MSRB3: variants seen among roughly 807,000 people sequenced by gnomAD.
The protein encoded by MSRB3 is methionine sulfoxide reductase B3.
Under a neutral mutation model 21.0 loss-of-function variants are expected in MSRB3, and 13 were observed. The observed-to-expected ratio is 0.62, with a 90% CI of 0.40 to 0.98. The LOEUF (loss-of-function observed/expected upper bound fraction) is 0.98, where lower values mean the gene tolerates loss of function less well. MSRB3 is among the 50% of genes least tolerant of loss of function. The pLI is 0.00. For synonymous variants in MSRB3, 87 were observed against 88.6 expected, an observed-to-expected ratio of 0.98 and a Z score of 0.10; for missense variants, 199 against 230.3, an observed-to-expected ratio of 0.86 and a Z score of 0.88.
At chr12:65,352,818 T>G (rs541018308) in intron 4 of MSRB3, among the ~76,000 whole-genome samples, 229 of 150,452 alleles carry the variant, frequency 1.5e-3, no homozygotes, top group African/African-American at 5.1e-3. Context: ...TAAAAGAGGA[T>G]ACAAACAAAT....
chr12:65,422,448 G>T (rs1376517612), intron 5 of MSRB3, among the ~76,000 whole-genome samples: 1 of 111,028 alleles, frequency 9.0e-6, no homozygotes, highest in Non-Finnish European at 1.9e-5. Flanking sequence ...ATTTATTTAT[G>T]GGGTATATGG....
At chr12:65,301,710 C>G (rs930182779) in intron 1 of MSRB3, among the ~76,000 whole-genome samples, 29 of 152,124 alleles carry the variant, frequency 1.9e-4, no homozygotes, top group African/African-American at 6.0e-4. Context: ...TTCAGACTAC[C>G]ATTTGTTGAT....
intron 2 of MSRB3, among the ~76,000 whole-genome samples, chr12:65,321,725 A>G (rs1193573486): frequency 6.6e-6 from 1 of 152,198 alleles, no homozygotes; most frequent in Non-Finnish European, 1.5e-5. Flanking sequence ...TGACTTTTCC[A>G]AATGGCCAAT....
At chr12:65,339,096 T>C (rs1592539023) in intron 4 of MSRB3, among the ~76,000 whole-genome samples, 1 of 152,054 alleles carries the variant, frequency 6.6e-6, no homozygotes, top group Non-Finnish European at 1.5e-5. Flanking sequence ...AAAATAAAAA[T>C]AAAAAGATTC....
chr12:65,447,393 A>G (rs928824188), intron 5 of MSRB3, among the ~76,000 whole-genome samples: 4 of 152,224 alleles, frequency 2.6e-5, no homozygotes, highest in Admixed American at 2.6e-4. Context: ...AGGGAATCAT[A>G]GAAAAACTAA....
At chr12:65,316,782 A>G (rs967538871) in intron 2 of MSRB3, among the ~76,000 whole-genome samples, 1 of 152,142 alleles carries the variant, frequency 6.6e-6, no homozygotes, top group East Asian at 1.9e-4. Flanking sequence ...TTGTTTTACC[A>G]TTGAGGCAGG....
At chr12:65,348,863 G>A in intron 4 of MSRB3, among the ~76,000 whole-genome samples, 1 of 152,160 alleles carries the variant, frequency 6.6e-6, no homozygotes, top group Admixed American at 6.6e-5. Context: ...TCATTCAGGA[G>A]CAGGTTGTTC....
At chr12:65,373,494 C>T (rs892982339) in intron 5 of MSRB3, among the ~76,000 whole-genome samples, 14 of 151,962 alleles carry the variant, frequency 9.2e-5, no homozygotes, top group African/African-American at 3.4e-4. Context: ...GATTCATGGT[C>T]CATAAACATT....
At chr12:65,402,273 C>G (rs1337192381) in intron 5 of MSRB3, among the ~76,000 whole-genome samples, 1 of 152,164 alleles carries the variant, frequency 6.6e-6, no homozygotes, top group African/African-American at 2.4e-5. Context: ...TGGGTCTTTT[C>G]ATATAGTCCC....
chr12:65,356,813 G>T (rs1877410285), intron 4 of MSRB3, among the ~76,000 whole-genome samples: 1 of 151,690 alleles, frequency 6.6e-6, no homozygotes, highest in South Asian at 2.1e-4. Context: ...TTATTGATTT[G>T]GGCCCAGGGA....
intron 5 of MSRB3, among the ~76,000 whole-genome samples, chr12:65,451,103 C>T (rs1237683881): frequency 1.3e-5 from 2 of 152,160 alleles, no homozygotes; most frequent in Non-Finnish European, 2.9e-5. Context: ...ATGCGTTCCA[C>T]CACAGTGAGT....
At chr12:65,392,381 A>G (rs1358901990) in intron 5 of MSRB3, among the ~76,000 whole-genome samples, 1 of 152,178 alleles carries the variant, frequency 6.6e-6, no homozygotes, top group African/African-American at 2.4e-5. Context: ...TGGAAATTCA[A>G]TGAATATTTG....
chr12:65,310,501 A>T (rs1279994683), intron 2 of MSRB3, among the ~76,000 whole-genome samples: 1 of 146,964 alleles, frequency 6.8e-6, no homozygotes, highest in African/African-American at 2.4e-5. Flanking sequence ...GAGGTTATTT[A>T]GATTATACAT....
chr12:65,365,826 A>G (rs563272926), intron 4 of MSRB3, among the ~76,000 whole-genome samples: 12 of 152,328 alleles, frequency 7.9e-5, no homozygotes, highest in African/African-American at 2.6e-4. Flanking sequence ...GTCTTCCACC[A>G]AAAGACTATG....
At chr12:65,447,147 G>C (rs191904587) in intron 5 of MSRB3, among the ~76,000 whole-genome samples, 39 of 152,302 alleles carry the variant, frequency 2.6e-4, no homozygotes, top group African/African-American at 7.7e-4. Context: ...AGCAGTCCTG[G>C]AGTTCCCAGG....
At chr12:65,306,719 T>C (rs1873673873) in intron 1 of MSRB3, 1 of 535,292 alleles carries the variant, frequency 1.9e-6, no homozygotes, top group African/African-American at 2.1e-5. Flanking sequence ...AATTTGCCAC[T>C]AGATGGAGCC....
At chr12:65,356,943 A>G (rs1452860678) in intron 4 of MSRB3, among the ~76,000 whole-genome samples, 1 of 151,822 alleles carries the variant, frequency 6.6e-6, no homozygotes, top group Non-Finnish European at 1.5e-5. Context: ...TATCCTTATG[A>G]TTTTTTTAAA....
intron 4 of MSRB3, among the ~76,000 whole-genome samples, chr12:65,353,702 A>T (rs1252223785): frequency 6.6e-6 from 1 of 152,138 alleles, no homozygotes; most frequent in Non-Finnish European, 1.5e-5. Context: ...GTGTCTTTTC[A>T]TTGGAGCATT....
chr12:65,419,580 A>G, intron 5 of MSRB3: 2 of 731,830 alleles, frequency 2.7e-6, no homozygotes, highest in East Asian at 2.6e-5. Flanking sequence ...CAATGTGGAC[A>G]TTGTCCACAG....
Sources: gnomAD v4.1 joint callset for allele counts (sites outside exome capture counted in the v4.1 genomes callset) on GRCh38, gnomAD v4.1.1 for gene constraint, MANE v1.5 for transcripts, NCBI Gene and HGNC (gene_info 2026-07-23, HGNC 2026-07-21) for gene names.